Variants in PDSS2 observed in about 807,000 individuals in gnomAD.
PDSS2 encodes the protein all trans-polyprenyl-diphosphate synthase PDSS2.
A neutral mutation model predicts 44.5 loss-of-function variants in PDSS2; 31 were observed. The observed-to-expected ratio is 0.70, with a 90% confidence interval of 0.52 to 0.94. The LOEUF (loss-of-function observed/expected upper bound fraction) is 0.94, where lower values mean the gene tolerates loss of function less well. Among genes scored for constraint, PDSS2 ranks in the 40% least tolerant of loss-of-function variants. The probability of loss-of-function intolerance (pLI) is 0.00; values close to 1 mark genes in which losing one functional copy is unlikely to be tolerated. For missense variants in PDSS2, 452 were observed against 482.2 expected, an observed-to-expected ratio of 0.94 and a Z score of 0.59; for synonymous variants, 157 against 180.3, an observed-to-expected ratio of 0.87 and a Z score of 1.03.
chr6:107,343,546 A>G (rs1014827758), intron 1 of PDSS2, among the ~76,000 whole-genome samples: 1 of 152,216 alleles, frequency 6.6e-6, no homozygotes, highest in African/African-American at 2.4e-5. Context: ...AAAAGCAGAA[A>G]ATCTGTCCAC....
At chr6:107,421,178 A>G (rs892457013) in intron 1 of PDSS2, among the ~76,000 whole-genome samples, 1 of 152,224 alleles carries the variant, frequency 6.6e-6, no homozygotes, top group Non-Finnish European at 1.5e-5. Flanking sequence ...AATAAAAAAT[A>G]CTGACAATAC....
Position 107,220,353 on chromosome 6 carries a change from T to C in PDSS2, c.703-8071A>G, listed in dbSNP as rs151068032. On this transcript the variant is annotated intron_variant, in intron 4 of 7. Transcript: ENST00000369037. ...GACTCTCAATTAACTGTGGTTTGCA[T>C]ATCATCCTCATTTATTCATGCAAAA... is the stretch of plus-strand genomic sequence containing the variant. Among the ~76,000 whole-genome samples, 647 of 152,266 alleles carry C rather than the reference T, an allele frequency of 4.2e-3. 6 individuals carry two copies. The highest frequency in any genetic ancestry group is 0.014 in the African/African-American group (591 of 41,556).
At chr6:107,163,885 G>A (rs932297418) in intron 7 of PDSS2, among the ~76,000 whole-genome samples, 2 of 152,178 alleles carry the variant, frequency 1.3e-5, no homozygotes, top group Non-Finnish European at 2.9e-5. Context: ...TCACAGGTGT[G>A]AGCCATCACG....
chr6:107,410,423 C>T (rs1458319752), intron 1 of PDSS2, among the ~76,000 whole-genome samples: 2 of 152,194 alleles, frequency 1.3e-5, no homozygotes, highest in African/African-American at 4.8e-5. Context: ...AAACACTTTC[C>T]TCCTTTCTTA....
chr6:107,196,396 C>T (rs891535550), intron 6 of PDSS2, among the ~76,000 whole-genome samples: 2 of 152,210 alleles, frequency 1.3e-5, no homozygotes, highest in African/African-American at 4.8e-5. Context: ...ATCAGCAGCA[C>T]TTTCCCAACA....
At chr6:107,185,256 C>T (rs566128601) in intron 7 of PDSS2, among the ~76,000 whole-genome samples, 32 of 151,872 alleles carry the variant, frequency 2.1e-4, no homozygotes, top group African/African-American at 5.8e-4. Flanking sequence ...AAAATGAGCG[C>T]GAATGTCAAA....
chr6:107,284,634 C>G (rs1183734207), intron 2 of PDSS2, among the ~76,000 whole-genome samples: 1 of 147,104 alleles, frequency 6.8e-6, no homozygotes, highest in East Asian at 2.0e-4. Context: ...ACACTCCAGC[C>G]TGGAGGACAA....
chr6:107,316,161 C>T (rs1165443907), intron 2 of PDSS2, among the ~76,000 whole-genome samples: 1 of 152,148 alleles, frequency 6.6e-6, no homozygotes, highest in Non-Finnish European at 1.5e-5. Context: ...GATTTAATAA[C>T]TTGTCATGAC....
intron 2 of PDSS2, among the ~76,000 whole-genome samples, chr6:107,290,869 T>C (rs9373938): frequency 0.16 from 24,025 of 152,050 alleles, 2,384 homozygotes; most frequent in East Asian, 0.25. Context: ...CTAGCTTTTT[T>C]CCCCCCACTT....
At chr6:107,264,761 T>A (rs2114901239) in intron 3 of PDSS2, among the ~76,000 whole-genome samples, 1 of 152,290 alleles carries the variant, frequency 6.6e-6, no homozygotes, top group Admixed American at 6.5e-5. Context: ...TCCCTTCCAA[T>A]TAGTTAGCAT....
intron 1 of PDSS2, among the ~76,000 whole-genome samples, chr6:107,355,385 T>C (rs1299291020): frequency 1.3e-5 from 2 of 152,160 alleles, no homozygotes; most frequent in Non-Finnish European, 2.9e-5. Context: ...AAATTTTCAA[T>C]TGAAACATTT....
intron 1 of PDSS2, among the ~76,000 whole-genome samples, chr6:107,453,158 C>T (rs1302532779): frequency 2.0e-5 from 3 of 151,906 alleles, no homozygotes; most frequent in Non-Finnish European, 2.9e-5. Flanking sequence ...CAACCTCCAC[C>T]TCCTGGGTTT....
intron 1 of PDSS2, among the ~76,000 whole-genome samples, chr6:107,443,745 A>G (rs1781580770): frequency 6.6e-6 from 1 of 152,132 alleles, no homozygotes; most frequent in Non-Finnish European, 1.5e-5. Flanking sequence ...TGCCTCAGTC[A>G]TCTCTTTTTC....
intron 1 of PDSS2, among the ~76,000 whole-genome samples, chr6:107,453,598 G>A (rs924645876): frequency 2.0e-5 from 3 of 152,168 alleles, no homozygotes; most frequent in East Asian, 1.9e-4. Context: ...ATACCGCAGT[G>A]TTTTGATTAA....
intron 2 of PDSS2, among the ~76,000 whole-genome samples, chr6:107,280,400 A>C (rs1775923590): frequency 6.6e-6 from 1 of 152,234 alleles, no homozygotes; most frequent in South Asian, 2.1e-4. Context: ...TCACAAATAA[A>C]TACAACTTAT....
chr6:107,289,372 CAAA>C (rs376719889), intron 2 of PDSS2, among the ~76,000 whole-genome samples: 5 of 112,702 alleles, frequency 4.4e-5, no homozygotes, highest in Admixed American at 9.2e-5. Flanking sequence ...GACTCTGTCT[CAAA>C]AAAAAAAAAA....
At chr6:107,317,867 T>G (rs764136336) in intron 2 of PDSS2, among the ~76,000 whole-genome samples, 5 of 152,144 alleles carry the variant, frequency 3.3e-5, no homozygotes, top group Non-Finnish European at 7.3e-5. Flanking sequence ...TAAGGGTTAT[T>G]TACAGTAGGT....
intron 7 of PDSS2, among the ~76,000 whole-genome samples, chr6:107,157,915 C>T (rs781816272): frequency 2.6e-5 from 4 of 152,012 alleles, no homozygotes; most frequent in Non-Finnish European, 5.9e-5. Context: ...TCGTGATCTG[C>T]CTGCCTCGGC....
intron 2 of PDSS2, among the ~76,000 whole-genome samples, chr6:107,319,519 G>A (rs1582936912): frequency 6.6e-6 from 1 of 152,160 alleles, no homozygotes; most frequent in African/African-American, 2.4e-5. Flanking sequence ...CCTGACGTTA[G>A]GGGCCTTATG....
Sources: allele counts gnomAD v4.1 joint callset (sites outside exome capture counted in the v4.1 genomes callset), GRCh38; gene constraint gnomAD v4.1.1; transcripts MANE v1.5; gene names NCBI Gene and HGNC (gene_info 2026-07-23, HGNC 2026-07-21).